The following DST variants were observed in gnomAD, a reference collection of about 807,000 sequenced individuals.
DST encodes the protein dystonin.
A neutral mutation model predicts 875.2 loss-of-function variants in DST; 253 were observed. The observed-to-expected ratio is 0.29, with a 90% CI of 0.26 to 0.32. The LOEUF is 0.32. DST is among the 10% of genes least tolerant of loss of function. The probability of loss-of-function intolerance (pLI) is 1.00; values close to 1 mark genes in which losing one functional copy is unlikely to be tolerated. For missense variants in DST, 8,287 were observed against 9,111.6 expected (o/e 0.91, Z 3.68); for synonymous variants, 3,124 against 3,197.1 (o/e 0.98, Z 0.77).
chr6:56,923,195 T>C (rs1355579462), intron 2 of DST, among the ~76,000 whole-genome samples: 1 of 152,004 alleles, frequency 6.6e-6, no homozygotes, highest in East Asian at 1.9e-4. Context: ...AATAATTATA[T>C]CAATAGGTAC....
At chr6:56,857,392 G>A (rs1259394303) in intron 3 of DST, among the ~76,000 whole-genome samples, 1 of 152,116 alleles carries the variant, frequency 6.6e-6, no homozygotes, top group Non-Finnish European at 1.5e-5. Context: ...ACAGGTGCAG[G>A]TTGCAAGGAC....
Position 56,608,145 on chromosome 6 carries a change from T to C in DST, c.6483A>G (p.Arg2161=), listed in dbSNP as rs1477939866. 6.2e-7 allele frequency: 1 copy of C among 1,613,726 alleles called. No homozygotes were observed. The highest frequency in any genetic ancestry group is 8.5e-7 in the Non-Finnish European group (1 of 1,179,750). The part of the protein sequence containing the change: ...GDLEACKNAR[R]WLSFCKFQPS... ...GTTGAAATTTACAAAAAGAGAGCCA[T>C]CTTCTGGCATTTTTACAAGCTTCTA... The change falls in exon 40 of 104, where the codon AGA becomes AGG. Residue 2161 remains arginine, a synonymous_variant. Coordinates refer to ENST00000680361, the MANE Select transcript of DST (RefSeq NM_001374736.1).
intron 4 of DST, among the ~76,000 whole-genome samples, chr6:56,749,483 C>A (rs1348640871): frequency 1.3e-5 from 2 of 152,154 alleles, no homozygotes; most frequent in South Asian, 2.1e-4. Flanking sequence ...TGGACTGGTA[C>A]CATGAATACG....
chr6:56,632,083 T>G (rs1459049302), intron 28 of DST, 43 bp from the exon 29 acceptor site: 2 of 1,487,804 alleles, frequency 1.3e-6, no homozygotes, highest in African/African-American at 2.8e-5. Flanking sequence ...GTTTTCTATC[T>G]CTTAGAAGCT....
intron 10 of DST, among the ~76,000 whole-genome samples, chr6:56,653,263 G>C (rs567037418): frequency 2.0e-4 from 30 of 152,322 alleles, no homozygotes; most frequent in African/African-American, 6.7e-4. Context: ...ATGAGTCTGA[G>C]TAAGTCATCT....
At chr6:56,739,616 G>A (rs1459654616) in intron 4 of DST, among the ~76,000 whole-genome samples, 1 of 152,144 alleles carries the variant, frequency 6.6e-6, no homozygotes, top group African/African-American at 2.4e-5. Context: ...GTTGAGATAG[G>A]AGGTCAGCAC....
At chr6:56,511,629 G>C (rs946489000) in intron 72 of DST, among the ~76,000 whole-genome samples, 1 of 152,108 alleles carries the variant, frequency 6.6e-6, no homozygotes, top group African/African-American at 2.4e-5. Context: ...GTACAAAGAT[G>C]CTGGTTCAGT....
At chr6:56,788,083 C>T (rs2099708704) in intron 4 of DST, among the ~76,000 whole-genome samples, 3 of 119,710 alleles carry the variant, frequency 2.5e-5, no homozygotes, top group Admixed American at 2.0e-4. Flanking sequence ...GAGCCGAGAT[C>T]ACGCCATTGC....
At chr6:56,520,866 C>T (rs1184676504) in intron 69 of DST, among the ~76,000 whole-genome samples, 1 of 151,986 alleles carries the variant, frequency 6.6e-6, no homozygotes, top group East Asian at 1.9e-4. Flanking sequence ...ATGTACACTC[C>T]CACAAGCAGT....
chr6:56,709,391 T>C (rs1039170688), intron 5 of DST, among the ~76,000 whole-genome samples: 5 of 152,226 alleles, frequency 3.3e-5, no homozygotes, highest in Admixed American at 2.0e-4. Context: ...TTATCAAAAA[T>C]ACTACACTGA....
intron 4 of DST, chr6:56,742,296 C>A (rs2099550008): frequency 7.8e-7 from 1 of 1,289,634 alleles, no homozygotes; most frequent in Non-Finnish European, 1.0e-6. Flanking sequence ...GTCCCACCAG[C>A]TTTGCGTTCC....
intron 4 of DST, among the ~76,000 whole-genome samples, chr6:56,815,695 A>G (rs183878051): frequency 2.0e-5 from 3 of 152,316 alleles, no homozygotes; most frequent in Non-Finnish European, 4.4e-5. Context: ...GAGTGCAACT[A>G]AAGTTAAACA....
rs750603108 is a variant in DST at position 56,628,111 on chromosome 6, G to A, written c.4526C>T (p.Thr1509Ile). 1 of 1,613,742 alleles carries A rather than the reference G, an allele frequency of 6.2e-7. No individual in the cohort carries two copies. Among genetic ancestry groups the A allele is most frequent in the Non-Finnish European group, 8.5e-7 (1 of 1,179,646 alleles). Residue 1509 changes from threonine (T) to isoleucine (I), a missense_variant, in exon 33 of 104, where the codon ACT (threonine) becomes ATT (isoleucine). Physicochemically the swap from Thr to Ile is moderately conservative, Grantham distance 89. Transcript: ENST00000680361. Reference protein sequence around the residue: ...IGKSLKYYRDTYHPLDDWIQQ... With the variant: ...IGKSLKYYRDIYHPLDDWIQQ... ...GATCCAATCATCTAAAGGATGGTAA[G>A]TGTCTCTGTAGTACTTCAGTGATTT... is the stretch of plus-strand genomic sequence containing the variant.
At chr6:56,952,453 G>T (rs1054393140) in intron 2 of DST, among the ~76,000 whole-genome samples, 1 of 152,000 alleles carries the variant, frequency 6.6e-6, no homozygotes, top group Non-Finnish European at 1.5e-5. Flanking sequence ...CTGTTCTATT[G>T]AATTAATCTC....
intron 4 of DST, among the ~76,000 whole-genome samples, chr6:56,791,110 T>G (rs2099721779): frequency 6.6e-6 from 1 of 152,248 alleles, no homozygotes; most frequent in African/African-American, 2.4e-5. Flanking sequence ...CATGCTACTA[T>G]GTATCCTTAC....
rs746413525 is a variant in DST, at chr6:56,614,438, T to G, written c.4976A>C (p.Glu1659Ala). The G allele has an allele frequency of 6.2e-7, 1 of 1,610,172 alleles. No individual in the cohort carries two copies. The highest frequency in any genetic ancestry group is 8.5e-7 in the Non-Finnish European group (1 of 1,178,318). Reference protein sequence around the residue: ...EKKEHVEKAKELQKWVSNISK... With the variant: ...EKKEHVEKAKALQKWVSNISK... ...GATATTTGATACCCATTTTTGCAAT[T>G]CTTTGGCTTTTTCAACATGTTCTTT... The change falls in exon 37 of 104, where the codon GAA becomes GCA. Residue 1659 changes from glutamate (E) to alanine (A), a missense_variant. This residue lies in a region of DST where 3,138 missense variants were observed against 3,116.6 expected (regional missense o/e 1.01). Transcript: ENST00000680361.
rs2094180131 is a variant in DST at position 56,458,802 on chromosome 6, C to T, written c.*203G>A. On this transcript the variant is annotated 3_prime_UTR_variant, in exon 104 of 104. Transcript: ENST00000680361. ...GTTCATGTTAAACTTTTCCTCCTCA[C>T]ATATGATGTGACTTTAACCCCAGAA... is the stretch of plus-strand genomic sequence containing the variant. 5.6e-6 allele frequency: 3 copies of T among 535,040 alleles called. No homozygotes were observed. Among genetic ancestry groups the T allele is most frequent in the Admixed American group, 3.6e-5 (1 of 27,816 alleles). 33.1% of individuals were successfully genotyped at this position (535,040 alleles called of 1,614,324 possible).
chr6:56,545,434 T>C (rs2097206745), intron 61 of DST, among the ~76,000 whole-genome samples: 1 of 151,644 alleles, frequency 6.6e-6, no homozygotes, highest in African/African-American at 2.4e-5. Flanking sequence ...ACTTACTTTT[T>C]GTAGCCTACT....
rs1010235023 is a variant in DST, at chr6:56,640,437, C to A, written c.2196G>T (p.Gly732=). The part of the protein sequence containing the change: ...AQTLHPSLTS[G]LTQSLTPSLT... ...GGGAAGGTGTTAAACTCTGGGTCAG[C>A]CCTGAGGTCAGACTAGGGTGTAAGG... The change falls in exon 18 of 104, where the codon GGG becomes GGT. Residue 732 remains glycine, a synonymous_variant. Coordinates refer to ENST00000680361, the MANE Select transcript of DST (RefSeq NM_001374736.1). The A allele has an allele frequency of 1.2e-5, 19 of 1,614,142 alleles. No individual in the cohort carries two copies. The highest frequency in any genetic ancestry group is 1.4e-5 in the Non-Finnish European group (16 of 1,180,022).
Sources: gnomAD v4.1 joint callset for allele counts (sites outside exome capture counted in the v4.1 genomes callset) on GRCh38, gnomAD v4.1.1 for gene constraint, gnomAD v4.1.1 regional missense constraint, MANE v1.5 for transcripts, NCBI Gene and HGNC (gene_info 2026-07-23, HGNC 2026-07-21) for gene names.